ATF6: variants seen among roughly 807,000 people sequenced by gnomAD.
ATF6 encodes activating transcription factor 6.
Under a neutral mutation model 83.6 loss-of-function variants are expected in ATF6, and 53 were observed. The observed-to-expected ratio is 0.63, with a 90% confidence interval of 0.51 to 0.80. The LOEUF (loss-of-function observed/expected upper bound fraction) is 0.80. Among genes scored for constraint, ATF6 ranks in the 30% least tolerant of loss-of-function variants. ATF6 has a pLI of 0.00. For synonymous variants in ATF6, 288 were observed against 285.8 expected (o/e 1.01, Z -0.08); for missense variants, 744 against 797.9 (o/e 0.93, Z 0.81).
rs937206511 is a variant in ATF6, at chr1:161,912,457, A to G, written c.1804+77A>G. 6 of 937,338 alleles carry G rather than the reference A, an allele frequency of 6.4e-6. No individual in the cohort carries two copies. The African/African-American group carries it at 8.5e-5, about 13-fold the overall frequency. 58.1% of individuals were successfully genotyped at this position (937,338 alleles called of 1,614,324 possible). The stretch of plus-strand genomic sequence containing the variant: ...GGATTCTCTTCATTAGTTCAAAGAC[A>G]TTTAAAATGTTCAGTTAAATGAGTA... On this transcript the variant is annotated intron_variant, in intron 15 of 15. Transcript: ENST00000367942.
At chr1:161,902,824 G>A (rs1437319202) in intron 14 of ATF6, among the ~76,000 whole-genome samples, 2 of 152,154 alleles carry the variant, frequency 1.3e-5, no homozygotes, top group African/African-American at 4.8e-5. Context: ...GAAAAGTAAA[G>A]CAGAGAAAGG....
At chr1:161,900,749 A>G (rs1687769001) in intron 14 of ATF6, among the ~76,000 whole-genome samples, 1 of 152,142 alleles carries the variant, frequency 6.6e-6, no homozygotes, top group Non-Finnish European at 1.5e-5. Flanking sequence ...TTTATGCATT[A>G]GCTGAGACAT....
intron 15 of ATF6, among the ~76,000 whole-genome samples, chr1:161,934,244 A>G (rs1010237990): frequency 6.6e-6 from 1 of 152,182 alleles, no homozygotes; most frequent in Non-Finnish European, 1.5e-5. Flanking sequence ...AATTGTTGCC[A>G]CCTTCCTCCA....
chr1:161,854,743 G>A (rs1388186751), intron 12 of ATF6, among the ~76,000 whole-genome samples: 3 of 152,064 alleles, frequency 2.0e-5, no homozygotes. Context: ...GTGGTGGCGG[G>A]TGCCTGTAGT....
In ATF6 at chr1:161,808,582, A is replaced by T. The variant is rs111593965; in HGVS notation, c.909+6310A>T. Among the ~76,000 whole-genome samples the T allele has an allele frequency of 8.6e-3, 1,313 of 151,832 alleles. 21 individuals are homozygous for T. The highest frequency in any genetic ancestry group is 0.03 in the African/African-American group (1,252 of 41,392). ...TTTTTAAATTTTTATTTATTTATTT[A>T]TTTTTTTAAAGACAGTCTGTTGCTC... On this transcript the variant is annotated intron_variant, in intron 7 of 15. Transcript: ENST00000367942.
chr1:161,858,442 C>T (rs1173782937), intron 12 of ATF6, among the ~76,000 whole-genome samples: 1 of 151,974 alleles, frequency 6.6e-6, no homozygotes, highest in African/African-American at 2.4e-5. Flanking sequence ...GGATGTATGC[C>T]ATGCAAACAT....
chr1:161,938,557 G>T (rs1688582462), intron 15 of ATF6, among the ~76,000 whole-genome samples: 1 of 152,136 alleles, frequency 6.6e-6, no homozygotes, highest in Non-Finnish European at 1.5e-5. Context: ...AGAAATGTAA[G>T]GCAGGCAAGA....
At chr1:161,907,157 A>T (rs998602223) in intron 14 of ATF6, among the ~76,000 whole-genome samples, 3 of 152,298 alleles carry the variant, frequency 2.0e-5, no homozygotes, top group East Asian at 1.9e-4. Flanking sequence ...GTGAATTTAG[A>T]TAAATAACTC....
chr1:161,853,308 A>C lies in ATF6; in HGVS notation c.1518A>C (p.Lys506Asn). The change falls in exon 12 of 16, where the codon AAA becomes AAC. Residue 506 changes from lysine to asparagine, a missense_variant. Physicochemically the swap from Lys to Asn is moderately conservative, Grantham distance 94. Coordinates refer to ENST00000367942, the MANE Select transcript of ATF6 (RefSeq NM_007348.4). ...KSRRMTNNQQ[K>N]TRILQGALEQ... ...GAAGAATGACAAATAATCAACAGAA[A>C]ACCCGTATTCTTCAGGTATGTTTCT... 6.2e-7 allele frequency: 1 copy of C among 1,612,550 alleles called. No homozygotes were observed. Among genetic ancestry groups the C allele is most frequent in the Non-Finnish European group, 8.5e-7 (1 of 1,178,672 alleles).
intron 9 of ATF6, among the ~76,000 whole-genome samples, chr1:161,830,848 C>G (rs148644936): frequency 0.15 from 21,861 of 142,298 alleles, 2,101 homozygotes; most frequent in East Asian, 0.33. Context: ...AAAAACCCTA[C>G]AAGAAAACCT....
chr1:161,875,500 A>G (rs565197915), intron 14 of ATF6, among the ~76,000 whole-genome samples: 2 of 151,956 alleles, frequency 1.3e-5, no homozygotes, highest in African/African-American at 2.4e-5. Flanking sequence ...TACTATCACA[A>G]ATCTTATCAG....
At chr1:161,890,837 G>A (rs1687537725) in intron 14 of ATF6, 1 of 152,604 alleles carries the variant, frequency 6.6e-6, no homozygotes, top group Non-Finnish European at 1.5e-5. Context: ...TTCTGGAGTG[G>A]TCTGTTGGGA....
intron 9 of ATF6, among the ~76,000 whole-genome samples, chr1:161,823,340 T>G (rs578259922): frequency 3.8e-4 from 58 of 152,216 alleles, no homozygotes; most frequent in African/African-American, 1.2e-3. Flanking sequence ...ATATTTTTTT[T>G]GGGGGGAAGC....
Position 161,766,417 on chromosome 1 carries a change from C to T in ATF6, c.57C>T (p.Leu19=). 6.2e-7 allele frequency: 1 copy of T among 1,613,466 alleles called. No individual in the cohort carries two copies. The highest frequency in any genetic ancestry group is 8.5e-7 in the Non-Finnish European group (1 of 1,179,712). The part of the protein sequence containing the change: ...GTMESPFSPG[L]FHRLDEDWDS... ...TGGAGTCACCTTTTAGCCCGGGACT[C>T]TTTCACAGGCTGGATGAAGATTGGG... Residue 19 remains leucine, a synonymous_variant, in exon 1 of 16, where the codon CTC becomes CTT. Transcript: ENST00000367942.
rs78211672 is a variant in ATF6, at chr1:161,817,428, A to G, written c.910-2205A>G. Among the ~76,000 whole-genome samples, 226 of 152,330 alleles carry G rather than the reference A, an allele frequency of 1.5e-3. 1 individual carries two copies. The highest frequency in any genetic ancestry group is 6.8e-3 in the Middle Eastern group (2 of 294). On this transcript the variant is annotated intron_variant, in intron 7 of 15. Transcript: ENST00000367942. ...AACACTAAAAATAAAAGTAGACTGA[A>G]CAAAGTGGCAATGTCCGGAGAATAG...
intron 14 of ATF6, among the ~76,000 whole-genome samples, chr1:161,868,925 T>G (rs1367643442): frequency 6.6e-6 from 1 of 152,100 alleles, no homozygotes; most frequent in East Asian, 1.9e-4. Flanking sequence ...TCATTTAAAA[T>G]TATTTGTTGG....
At chr1:161,914,676 C>T (rs1000434619) in intron 15 of ATF6, among the ~76,000 whole-genome samples, 2 of 152,180 alleles carry the variant, frequency 1.3e-5, no homozygotes, top group African/African-American at 4.8e-5. Context: ...ACTCCAACTA[C>T]TCTCTTAACT....
chr1:161,786,108 TGGGATTACA>T (rs59258694), intron 4 of ATF6, among the ~76,000 whole-genome samples: 145,268 of 151,432 alleles, frequency 0.96, 69,759 homozygotes, highest in East Asian at 1. Context: ...CCCGAGTACC[TGGGATTACA>T]GGGATTACAG....
At position 161,880,936 on chromosome 1, in the gene ATF6, C is replaced by T. The variant is rs528600397; in HGVS notation, c.1719+17624C>T. On this transcript the variant is annotated intron_variant, in intron 14 of 15. Transcript: ENST00000367942. ...TACAGCCTATCTTTTTATTTTTAGC[C>T]ATTCTAATAGAGGTATGTAGTGGTA... is the stretch of plus-strand genomic sequence containing the variant. 2.5e-3 allele frequency among the ~76,000 whole-genome samples: 382 copies of T among 152,160 alleles called. 3 individuals are homozygous for T. Among genetic ancestry groups the T allele is most frequent in the Non-Finnish European group, 4.7e-3 (321 of 67,974 alleles).
Sources: gnomAD v4.1 joint callset for allele counts (sites outside exome capture counted in the v4.1 genomes callset) on GRCh38, gnomAD v4.1.1 for gene constraint, MANE v1.5 for transcripts, NCBI Gene and HGNC (gene_info 2026-07-23, HGNC 2026-07-21) for gene names.